The following MTMR8 variants were observed in gnomAD, a reference collection of about 807,000 sequenced individuals.
MTMR8 encodes phosphatidylinositol-3,5-bisphosphate 3-phosphatase MTMR8.
Under a neutral mutation model 39.3 loss-of-function variants are expected in MTMR8, and 65 were observed. That is an observed-to-expected ratio of 1.65 (90% CI 1.35 to 2.03). The LOEUF (loss-of-function observed/expected upper bound fraction) is 2.03. MTMR8 is among the 30% of genes most tolerant of loss of function. MTMR8 has a pLI of 0.00. For synonymous variants in MTMR8, 245 were observed against 185.2 expected, an observed-to-expected ratio of 1.32 and a Z score of -2.62; for missense variants, 777 against 538.9, an observed-to-expected ratio of 1.44 and a Z score of -4.37.
At chrX:64,301,805 C>T (rs1316427335) in intron 12 of MTMR8, among the ~76,000 whole-genome samples, 1 of 110,973 alleles carries the variant, frequency 9.0e-6, no homozygotes, top group African/African-American at 3.3e-5. Flanking sequence ...AGACAGGACC[C>T]TCTGTTGGAA....
At chrX:64,301,954 C>T (rs1330571157) in intron 12 of MTMR8, among the ~76,000 whole-genome samples, 1 of 112,012 alleles carries the variant, frequency 8.9e-6, no homozygotes, top group Non-Finnish European at 1.9e-5. Flanking sequence ...CTGGGAGACC[C>T]ACTGCTCTCT....
At chrX:64,390,765 G>GC (rs954451955) in intron 1 of MTMR8, among the ~76,000 whole-genome samples, 5 of 109,011 alleles carry the variant, frequency 4.6e-5, no homozygotes, top group East Asian at 2.9e-4. Flanking sequence ...CATCCCCACC[G>GC]CCCCCCCAGC....
chrX:64,359,655 G>T, intron 1 of MTMR8, 128 bp from the exon 2 acceptor site: 1 of 636,730 alleles, frequency 1.6e-6, no homozygotes, highest in Non-Finnish European at 2.3e-6. Flanking sequence ...TTCCTGCCAA[G>T]GTGGCAAACT....
At chrX:64,380,883 T>C (rs1277434197) in intron 1 of MTMR8, among the ~76,000 whole-genome samples, 1 of 111,717 alleles carries the variant, frequency 9.0e-6, no homozygotes, top group African/African-American at 3.3e-5. Context: ...CTGAGAATGA[T>C]GGTTTCCAGC....
chrX:64,386,729 T>A (rs758418642), intron 1 of MTMR8, among the ~76,000 whole-genome samples: 21 of 111,723 alleles, frequency 1.9e-4, no homozygotes, highest in African/African-American at 6.2e-4. Flanking sequence ...GGTGAAAGCA[T>A]GTCATCATTT....
intron 4 of MTMR8, among the ~76,000 whole-genome samples, chrX:64,351,940 C>T (rs1279861396): frequency 9.0e-6 from 1 of 111,111 alleles, no homozygotes; most frequent in Non-Finnish European, 1.9e-5. Context: ...AATCTCCCCT[C>T]TAGTAACAGC....
At chrX:64,301,142 A>T (rs1303763389) in intron 12 of MTMR8, among the ~76,000 whole-genome samples, 1 of 109,145 alleles carries the variant, frequency 9.2e-6, no homozygotes, top group Non-Finnish European at 1.9e-5. Context: ...AGATTGGGGA[A>T]GTTCTCCTGG....
At chrX:64,343,489 A>T in intron 8 of MTMR8, 122 bp downstream of exon 8, 1 of 448,414 alleles carries the variant, frequency 2.2e-6, no homozygotes, top group East Asian at 3.8e-5. Context: ...ACAGTGAATT[A>T]GTGGCAGAGC....
intron 1 of MTMR8, among the ~76,000 whole-genome samples, chrX:64,373,946 C>T (rs1369179890): frequency 1.8e-5 from 2 of 111,807 alleles, no homozygotes; most frequent in African/African-American, 6.5e-5. Flanking sequence ...AGTTTTCTTT[C>T]AGCCAGATAT....
At position 64,395,316 on chromosome X, in the gene MTMR8, G is replaced by A. The variant is rs769229981; in HGVS notation, c.24+24C>T. 1.2e-5 allele frequency: 14 copies of A among 1,208,343 alleles called. No homozygotes were observed. The South Asian group carries it at 2.5e-4, about 21-fold the overall frequency. ...ACCAAGAGGAAGCTCGCGGCTGTCAGCCTCGCTTAACTCTTCTCCTTACCT... is the reference window on the plus strand; with the variant it reads ...ACCAAGAGGAAGCTCGCGGCTGTCAACCTCGCTTAACTCTTCTCCTTACCT... On this transcript the variant is annotated intron_variant, in intron 1 of 13. Transcript: ENST00000374852.
At chrX:64,360,162 C>A (rs750299668) in intron 1 of MTMR8, among the ~76,000 whole-genome samples, 15 of 109,794 alleles carry the variant, frequency 1.4e-4, no homozygotes, top group Non-Finnish European at 2.3e-4. Flanking sequence ...ATATGCCAGG[C>A]AAATATGAAC....
At chrX:64,293,317 G>A (rs1022604816) in intron 12 of MTMR8, among the ~76,000 whole-genome samples, 3 of 111,018 alleles carry the variant, frequency 2.7e-5, no homozygotes, top group Admixed American at 1.9e-4. Flanking sequence ...ACCCCTTCTA[G>A]CCTAAATCAA....
chrX:64,386,047 A>G (rs1430769623), intron 1 of MTMR8, among the ~76,000 whole-genome samples: 1 of 111,133 alleles, frequency 9.0e-6, no homozygotes, highest in South Asian at 3.9e-4. Flanking sequence ...GGAGACTCCA[A>G]TCTACCTGAA....
In MTMR8 at chrX:64,278,104, T is replaced by C. The variant is rs188812630; in HGVS notation, c.1482-7031A>G. Among the ~76,000 whole-genome samples, 50 of 109,678 alleles carry C rather than the reference T, an allele frequency of 4.6e-4. No homozygotes were observed. The East Asian group carries it at 0.014, about 31-fold the overall frequency. ...AGGTCATTTATGTTCTTCTCTAAAC[T>C]GGTTATTCTAGTTAGCAATTCCTCT... On this transcript the variant is annotated intron_variant, in intron 12 of 13. Transcript: ENST00000374852.
Position 64,268,165 on chromosome X carries a change from C to A in MTMR8, c.*372G>T. 5.5e-6 allele frequency: 1 copy of A among 180,207 alleles called. No homozygotes were observed. Among genetic ancestry groups the A allele is most frequent in the Non-Finnish European group, 1.0e-5 (1 of 96,986 alleles). 14.9% of individuals were successfully genotyped at this position (180,207 alleles called of 1,213,427 possible). The stretch of plus-strand genomic sequence containing the variant: ...ATACCCTCAAAAGGGTCATTATTGA[C>A]CATTGTGACAATATTTCCACTTCAC... On this transcript the variant is annotated 3_prime_UTR_variant, in exon 14 of 14. Transcript: ENST00000374852.
intron 12 of MTMR8, among the ~76,000 whole-genome samples, chrX:64,301,183 G>A (rs1469632166): frequency 9.1e-6 from 1 of 109,988 alleles, no homozygotes; most frequent in African/African-American, 3.3e-5. Context: ...TGCCAACTTG[G>A]TTCCATTCTC....
chrX:64,367,796 A>G (rs1362456750), intron 1 of MTMR8, among the ~76,000 whole-genome samples: 11 of 111,700 alleles, frequency 9.8e-5, no homozygotes, highest in Non-Finnish European at 1.5e-4. Context: ...AGGGTATTCA[A>G]TTAGGAAAAG....
chrX:64,365,054 T>A (rs1192046597), intron 1 of MTMR8, among the ~76,000 whole-genome samples: 1 of 109,093 alleles, frequency 9.2e-6, no homozygotes, highest in African/African-American at 3.3e-5. Context: ...AGAAGAGAAG[T>A]TTAGAGACAA....
chrX:64,300,511 G>A (rs1185623420), intron 12 of MTMR8, among the ~76,000 whole-genome samples: 2 of 109,396 alleles, frequency 1.8e-5, no homozygotes, highest in Admixed American at 2.0e-4. Flanking sequence ...GCACACTGAT[G>A]GGTCTTGACT....
Sources: allele counts gnomAD v4.1 joint callset (sites outside exome capture counted in the v4.1 genomes callset), GRCh38; gene constraint gnomAD v4.1.1; transcripts MANE v1.5; gene names NCBI Gene and HGNC (gene_info 2026-07-23, HGNC 2026-07-21).